IGSF5: variants seen among roughly 807,000 people sequenced by gnomAD.
IGSF5 encodes immunoglobulin superfamily 5 like.
A neutral mutation model predicts 39.4 loss-of-function variants in IGSF5; 41 were observed. The observed-to-expected ratio is 1.04, with a 90% confidence interval of 0.81 to 1.35. The LOEUF (loss-of-function observed/expected upper bound fraction) is 1.35, where lower values mean the gene tolerates loss of function less well. Ranked by LOEUF, IGSF5 falls within the 40% of genes most tolerant of loss-of-function variation. IGSF5 has a pLI of 0.00. For missense variants in IGSF5, 487 were observed against 494.6 expected (o/e 0.98, Z 0.15); for synonymous variants, 183 against 175.3 (o/e 1.04, Z -0.34).
chr21:39,799,014 A>G (rs1160624875), intron 8 of IGSF5, among the ~76,000 whole-genome samples: 1 of 152,196 alleles, frequency 6.6e-6, no homozygotes, highest in East Asian at 1.9e-4. Context: ...TACAGGCACA[A>G]TGGCTGACTT....
the IGSF5 span, among the ~76,000 whole-genome samples, chr21:39,737,841 C>T: frequency 6.6e-6 from 1 of 152,208 alleles, no homozygotes; most frequent in Admixed American, 6.5e-5. Context: ...CTGCAGCATT[C>T]CTTCCTCCAA....
intron 8 of IGSF5, among the ~76,000 whole-genome samples, chr21:39,797,221 T>TA (rs2087001095): frequency 6.7e-6 from 1 of 149,314 alleles, no homozygotes; most frequent in Non-Finnish European, 1.5e-5. Context: ...TCCTTTGCTT[T>TA]TTTTTTTTTT....
intron 4 of IGSF5, among the ~76,000 whole-genome samples, chr21:39,778,140 A>G (rs1017787563): frequency 1.3e-5 from 2 of 152,178 alleles, no homozygotes; most frequent in African/African-American, 2.4e-5. Context: ...GGGAGAAGTG[A>G]AGGGCTGGAT....
chr21:39,732,021 G>A, the IGSF5 span, among the ~76,000 whole-genome samples: 1 of 152,126 alleles, frequency 6.6e-6, no homozygotes, highest in Non-Finnish European at 1.5e-5. Context: ...AGCCCAAGCA[G>A]CCCCACAGAG....
At chr21:39,758,683 AC>A (rs1690989097) in intron 2 of IGSF5, among the ~76,000 whole-genome samples, 3 of 152,150 alleles carry the variant, frequency 2.0e-5, no homozygotes, top group Non-Finnish European at 4.4e-5. Flanking sequence ...TGGTCAGACT[AC>A]TTTCTATGGG....
At chr21:39,748,601 CA>C (rs2079988080) in intron 2 of IGSF5, among the ~76,000 whole-genome samples, 1 of 152,040 alleles carries the variant, frequency 6.6e-6, no homozygotes, top group Non-Finnish European at 1.5e-5. Flanking sequence ...ACCTGAGTCC[CA>C]TCACGAGGGC....
intron 6 of IGSF5, among the ~76,000 whole-genome samples, chr21:39,791,049 T>C (rs1476473528): frequency 1.3e-5 from 2 of 152,222 alleles, no homozygotes; most frequent in African/African-American, 4.8e-5. Context: ...GCAGGGGTCC[T>C]GGAATCAATC....
intron 2 of IGSF5, among the ~76,000 whole-genome samples, chr21:39,763,784 G>C (rs756481783): frequency 2.0e-5 from 3 of 152,204 alleles, no homozygotes; most frequent in Non-Finnish European, 4.4e-5. Flanking sequence ...TCGGGGCGCA[G>C]ACTCGGCTGT....
At chr21:39,784,608 C>T (rs898044879) in intron 5 of IGSF5, among the ~76,000 whole-genome samples, 2 of 150,248 alleles carry the variant, frequency 1.3e-5, no homozygotes, top group African/African-American at 2.4e-5. Context: ...AACTGTCACC[C>T]CACCCCTGCC....
chr21:39,800,576 A>G (rs191547192), intron 8 of IGSF5, among the ~76,000 whole-genome samples: 128 of 152,362 alleles, frequency 8.4e-4, no homozygotes, highest in African/African-American at 2.9e-3. Context: ...GAGTAATTCT[A>G]TCCTCAAGAC....
At chr21:39,785,148 G>A (rs577689173) in intron 5 of IGSF5, among the ~76,000 whole-genome samples, 28 of 151,386 alleles carry the variant, frequency 1.8e-4, no homozygotes, top group African/African-American at 4.1e-4. Flanking sequence ...CCATTAACTC[G>A]TCATTTAATG....
intron 2 of IGSF5, among the ~76,000 whole-genome samples, chr21:39,759,832 C>A (rs1460799700): frequency 6.6e-6 from 1 of 150,452 alleles, no homozygotes; most frequent in Non-Finnish European, 1.5e-5. Context: ...GTGACACTGC[C>A]CTCCAGCTTG....
rs1233542939 is a variant in IGSF5 at position 39,752,342 on chromosome 21, T to C, written c.100+6044T>C. On this transcript the variant is annotated intron_variant, in intron 2 of 8. Coordinates refer to ENST00000380588, the MANE Select transcript of IGSF5 (RefSeq NM_001080444.2). ...CAAGGTGCTGCAAAATATGTTATTT[T>C]ATTCCTTTTTTTTTATGACTAAGTA... Among the ~76,000 whole-genome samples the C allele has an allele frequency of 7.9e-5, 4 of 50,552 alleles. No individual in the cohort carries two copies. The Admixed American group carries it at 1.0e-3, about 13-fold the overall frequency. The allele number at this position is 50,552 out of a possible 152,430, so 33.2% of individuals were successfully genotyped here. A position where few individuals can be genotyped will look rare whatever the true frequency, so the allele number is the denominator to read the frequency against.
the IGSF5 span, among the ~76,000 whole-genome samples, chr21:39,714,032 C>T: frequency 1.3e-5 from 2 of 152,228 alleles, no homozygotes; most frequent in South Asian, 2.1e-4. Flanking sequence ...ATTAACATCG[C>T]CCTGGGAAGA....
intron 3 of IGSF5, among the ~76,000 whole-genome samples, chr21:39,766,867 G>A (rs986578212): frequency 3.3e-5 from 5 of 151,902 alleles, no homozygotes; most frequent in African/African-American, 1.2e-4. Flanking sequence ...TACTTGTCTG[G>A]AAGAAATTCC....
At chr21:39,782,842 C>T (rs1319787013) in intron 5 of IGSF5, among the ~76,000 whole-genome samples, 2 of 152,126 alleles carry the variant, frequency 1.3e-5, no homozygotes, top group African/African-American at 4.8e-5. Context: ...CTAGCCGTAA[C>T]TTTGTGTTCA....
rs201687313 is a variant in IGSF5, at chr21:39,751,499, A to G, written c.100+5201A>G. On this transcript the variant is annotated intron_variant, in intron 2 of 8. Transcript: ENST00000380588. ...CAACTTCCACAGAGTTAAAAACTAC[A>G]AGCGTGGGCTTCTCTGAGAAGTTCA... The G allele has an allele frequency of 2.6e-5, 4 of 152,282 alleles. No individual in the cohort carries two copies. The East Asian group carries it at 7.7e-4, about 29-fold the overall frequency. 9.4% of individuals were successfully genotyped at this position (152,282 alleles called of 1,614,324 possible).
At chr21:39,729,939 G>A in the IGSF5 span, 1 of 152,308 alleles carries the variant, frequency 6.6e-6, no homozygotes. Context: ...CAAGGACTTG[G>A]GCAGAGCAAC....
intron 5 of IGSF5, among the ~76,000 whole-genome samples, chr21:39,787,739 C>G (rs1164227987): frequency 6.6e-6 from 1 of 151,890 alleles, no homozygotes; most frequent in African/African-American, 2.4e-5. Flanking sequence ...GTTAAATGAG[C>G]TAGTACTTTG....
Sources: allele counts gnomAD v4.1 joint callset (sites outside exome capture counted in the v4.1 genomes callset), GRCh38; gene constraint gnomAD v4.1.1; transcripts MANE v1.5; gene names NCBI Gene and HGNC (gene_info 2026-07-23, HGNC 2026-07-21).